The following PRKACB variants were observed in gnomAD, a reference collection of about 807,000 sequenced individuals.
PRKACB encodes protein kinase cAMP-activated catalytic subunit beta.
PRKACB carries 16 observed loss-of-function variants against 51.4 expected under a neutral mutation model. That is an observed-to-expected ratio of 0.31 (90% confidence interval 0.21 to 0.47). The LOEUF (loss-of-function observed/expected upper bound fraction) is 0.47. Among genes scored for constraint, PRKACB ranks in the 20% least tolerant of loss-of-function variants. The probability of loss-of-function intolerance (pLI) is 1.00; values close to 1 mark genes in which losing one functional copy is unlikely to be tolerated. For missense variants in PRKACB, 309 were observed against 464.5 expected (o/e 0.67, Z 3.08); for synonymous variants, 147 against 154.4 (o/e 0.95, Z 0.35).
At chr1:84,096,185 T>C (rs1394837256) in intron 1 of PRKACB, among the ~76,000 whole-genome samples, 1 of 152,084 alleles carries the variant, frequency 6.6e-6, no homozygotes, top group African/African-American at 2.4e-5. Context: ...CGATGGAGCC[T>C]TTCAGTGGTT....
rs140550950 is a variant in PRKACB, at chr1:84,209,638, G to A, written c.907-4515G>A. Among the ~76,000 whole-genome samples the A allele has an allele frequency of 8.4e-3, 1,284 of 152,094 alleles. 20 individuals are homozygous for A. The highest frequency in any genetic ancestry group is 0.029 in the African/African-American group (1,207 of 41,488). On this transcript the variant is annotated intron_variant, in intron 8 of 9. Transcript: ENST00000370685. ...TTTCAAAACCTTGCAAGGATTCCCC[G>A]TTTTCTTCAGAGTAAAAGTCGAAGA...
chr1:84,134,558 C>T (rs1380727786), intron 1 of PRKACB, among the ~76,000 whole-genome samples: 1 of 152,076 alleles, frequency 6.6e-6, no homozygotes, highest in African/African-American at 2.4e-5. Context: ...ATACTGCAAA[C>T]TGCGGGACAA....
chr1:84,126,982 T>C (rs1267394177), intron 1 of PRKACB, among the ~76,000 whole-genome samples: 1 of 152,196 alleles, frequency 6.6e-6, no homozygotes, highest in East Asian at 1.9e-4. Flanking sequence ...ACCTTCCACC[T>C]ACACAGAAGA....
intron 5 of PRKACB, among the ~76,000 whole-genome samples, chr1:84,190,194 A>G (rs55695149): frequency 6.6e-6 from 1 of 151,956 alleles, no homozygotes; most frequent in African/African-American, 2.4e-5. Context: ...TAAGAACCCA[A>G]TAAGGGATTT....
At chr1:84,143,370 T>C (rs1276474151), upstream of PRKACB, among the ~76,000 whole-genome samples, 1 of 152,140 alleles carries the variant, frequency 6.6e-6, no homozygotes, top group Non-Finnish European at 1.5e-5. Context: ...GAGAATCGCT[T>C]GAACCTAGGA....
chr1:84,179,064 C>A (rs1364835327), intron 1 of PRKACB, 113 bp from the exon 2 acceptor site: 1 of 1,221,374 alleles, frequency 8.2e-7, no homozygotes, highest in South Asian at 1.5e-5. Context: ...CATTTTATCA[C>A]AATAGATGAC....
intron 9 of PRKACB, among the ~76,000 whole-genome samples, chr1:84,224,108 G>A (rs527725376): frequency 4.3e-4 from 66 of 152,316 alleles, no homozygotes; most frequent in African/African-American, 1.4e-3. Flanking sequence ...GGGTGTCTGC[G>A]ATTTCCTCAG....
At chr1:84,143,978 G>A (rs1050550148), upstream of PRKACB, among the ~76,000 whole-genome samples, 1 of 151,988 alleles carries the variant, frequency 6.6e-6, no homozygotes, top group African/African-American at 2.4e-5. Context: ...AGGACAGCTT[G>A]GCCTTCAGTT....
upstream of PRKACB, chr1:84,078,098 TCGCCGCCGCCGCCGC>T (rs555766497): frequency 4.8e-6 from 2 of 419,582 alleles, no homozygotes; most frequent in Non-Finnish European, 8.2e-6. Context: ...GCCACCGCCG[TCGCCGCCGCCGCCGC>T]CGCCGCCGCT....
chr1:84,172,591 T>A (rs1337332038), intron 1 of PRKACB, among the ~76,000 whole-genome samples: 2 of 151,762 alleles, frequency 1.3e-5, no homozygotes, highest in Admixed American at 1.3e-4. Context: ...TCCATGTAGA[T>A]GCTAGTCAAA....
chr1:84,117,184 T>C (rs1181963435), intron 1 of PRKACB, among the ~76,000 whole-genome samples: 1 of 152,190 alleles, frequency 6.6e-6, no homozygotes, highest in East Asian at 1.9e-4. Context: ...ATTATCTTTT[T>C]GATGTGCTAT....
intron 2 of PRKACB, among the ~76,000 whole-genome samples, chr1:84,181,015 CTG>C (rs1663252328): frequency 1.3e-5 from 2 of 152,066 alleles, no homozygotes; most frequent in African/African-American, 4.8e-5. Context: ...TAAGAGCTTT[CTG>C]TGTTGATAAA....
At chr1:84,182,575 A>G (rs1377770074) in intron 3 of PRKACB, among the ~76,000 whole-genome samples, 1 of 152,054 alleles carries the variant, frequency 6.6e-6, no homozygotes, top group Non-Finnish European at 1.5e-5. Context: ...GATATTTGGG[A>G]AAAAAATTAC....
chr1:84,125,191 A>G (rs1472039667), intron 1 of PRKACB, among the ~76,000 whole-genome samples: 2 of 152,156 alleles, frequency 1.3e-5, no homozygotes, highest in African/African-American at 4.8e-5. Context: ...CCTTATGGTT[A>G]TAGGACTAGG....
At chr1:84,175,797 A>G in intron 1 of PRKACB, 1 of 1,574,748 alleles carries the variant, frequency 6.4e-7, no homozygotes, top group Non-Finnish European at 8.6e-7. Context: ...GTGAACATGT[A>G]GATTCCTTTG....
At chr1:84,217,460 A>G (rs1293453107) in intron 9 of PRKACB, among the ~76,000 whole-genome samples, 1 of 152,026 alleles carries the variant, frequency 6.6e-6, no homozygotes, top group East Asian at 1.9e-4. Context: ...GCTACATACT[A>G]CATAATTACA....
intron 9 of PRKACB, among the ~76,000 whole-genome samples, chr1:84,227,919 A>C: frequency 6.6e-6 from 1 of 152,074 alleles, no homozygotes; most frequent in Non-Finnish European, 1.5e-5. Flanking sequence ...TGATCAAGGA[A>C]AAAAAAAGGC....
intron 1 of PRKACB, among the ~76,000 whole-genome samples, chr1:84,102,690 A>G (rs1322748489): frequency 1.3e-5 from 2 of 152,186 alleles, no homozygotes; most frequent in Non-Finnish European, 2.9e-5. Flanking sequence ...GCCCTCACCT[A>G]CTGTGGAAAG....
intron 1 of PRKACB, among the ~76,000 whole-genome samples, chr1:84,086,769 C>T (rs552212125): frequency 1.3e-5 from 2 of 152,340 alleles, no homozygotes; most frequent in Non-Finnish European, 2.9e-5. Flanking sequence ...AGTTGCCCAT[C>T]CTCACCCCTC....
Sources: allele counts gnomAD v4.1 joint callset (sites outside exome capture counted in the v4.1 genomes callset), GRCh38; gene constraint gnomAD v4.1.1; transcripts MANE v1.5; gene names NCBI Gene and HGNC (gene_info 2026-07-23, HGNC 2026-07-21).